Variants in SGCD observed in about 807,000 individuals in gnomAD.
SGCD encodes the protein sarcoglycan delta.
Under a neutral mutation model 36.6 loss-of-function variants are expected in SGCD, and 18 were observed. That is an observed-to-expected ratio of 0.49 (90% CI 0.34 to 0.73). The LOEUF is 0.73. Ranked by LOEUF, SGCD falls within the 30% of genes least tolerant of loss-of-function variation. The pLI, the probability that SGCD is intolerant of heterozygous loss-of-function variation, is 0.01. For missense variants in SGCD, 387 were observed against 346.7 expected (o/e 1.12, Z -0.92); for synonymous variants, 133 against 130.6 (o/e 1.02, Z -0.12).
chr5:156,117,649 G>C (rs1405942149), intron 1 of SGCD, among the ~76,000 whole-genome samples: 1 of 152,130 alleles, frequency 6.6e-6, no homozygotes, highest in Non-Finnish European at 1.5e-5. Flanking sequence ...CTTTGAGATA[G>C]ATATCACCAT....
intron 3 of SGCD, among the ~76,000 whole-genome samples, chr5:156,301,752 T>C (rs181803960): frequency 3.9e-5 from 6 of 152,128 alleles, no homozygotes; most frequent in African/African-American, 1.2e-4. Context: ...TGTTTCATGT[T>C]TGAAAGATGT....
intron 1 of SGCD, among the ~76,000 whole-genome samples, chr5:156,104,976 A>G (rs1209841167): frequency 1.3e-5 from 2 of 152,146 alleles, no homozygotes; most frequent in Non-Finnish European, 2.9e-5. Context: ...GAAGGGGAAC[A>G]TCACACACTG....
chr5:156,052,705 A>C (rs6897778), intron 1 of SGCD, among the ~76,000 whole-genome samples: 58,744 of 144,568 alleles, frequency 0.41, 20,947 homozygotes, highest in African/African-American at 0.85. Context: ...GTTCCTTGTT[A>C]AAGGAGTAAA....
chr5:156,233,711 T>G (rs2127652540), intron 3 of SGCD, among the ~76,000 whole-genome samples: 1 of 152,238 alleles, frequency 6.6e-6, no homozygotes, highest in Non-Finnish European at 1.5e-5. Context: ...TAAAAGTAAA[T>G]GCTCACGTTT....
intron 3 of SGCD, among the ~76,000 whole-genome samples, chr5:156,404,912 A>G (rs1307376853): frequency 6.6e-6 from 1 of 152,182 alleles, no homozygotes. Context: ...GAAACTTGTA[A>G]ATATGATGTG....
intron 6 of SGCD, among the ~76,000 whole-genome samples, chr5:156,605,232 G>A (rs1177144843): frequency 6.6e-6 from 1 of 151,940 alleles, no homozygotes; most frequent in Admixed American, 6.6e-5. Context: ...CTCGGTGTGT[G>A]ATGTTCCCCT....
intron 7 of SGCD, among the ~76,000 whole-genome samples, chr5:156,702,125 T>C (rs548504557): frequency 4.2e-4 from 64 of 152,330 alleles, no homozygotes; most frequent in Non-Finnish European, 8.1e-4. Flanking sequence ...TGAAATTGCC[T>C]CATCCTTCTC....
chr5:156,456,842 A>T (rs1754285680), intron 3 of SGCD, among the ~76,000 whole-genome samples: 1 of 152,202 alleles, frequency 6.6e-6, no homozygotes, highest in South Asian at 2.1e-4. Flanking sequence ...GGCAGGTTTC[A>T]TTCATTCATT....
At chr5:156,097,362 T>C (rs1194448580) in intron 1 of SGCD, among the ~76,000 whole-genome samples, 1 of 152,208 alleles carries the variant, frequency 6.6e-6, no homozygotes, top group African/African-American at 2.4e-5. Flanking sequence ...TAGCACCCTT[T>C]TGTTATTGGT....
At chr5:156,259,461 T>G (rs539794192) in intron 3 of SGCD, among the ~76,000 whole-genome samples, 34 of 152,242 alleles carry the variant, frequency 2.2e-4, no homozygotes, top group African/African-American at 7.9e-4. Flanking sequence ...TTTTTAAAAG[T>G]TAATCAAGTC....
intron 3 of SGCD, among the ~76,000 whole-genome samples, chr5:156,219,996 G>A (rs1232810328): frequency 6.6e-6 from 1 of 152,006 alleles, no homozygotes; most frequent in Admixed American, 6.6e-5. Flanking sequence ...TTAGGTCTTG[G>A]GCTATTTTAA....
intron 3 of SGCD, among the ~76,000 whole-genome samples, chr5:156,350,987 A>G (rs571704067): frequency 2.0e-5 from 3 of 152,272 alleles, no homozygotes; most frequent in Admixed American, 6.5e-5. Context: ...CCAAATTGCA[A>G]TAATGATCTG....
intron 3 of SGCD, among the ~76,000 whole-genome samples, chr5:156,384,841 G>C (rs558742238): frequency 6.6e-6 from 1 of 152,196 alleles, no homozygotes; most frequent in Non-Finnish European, 1.5e-5. Flanking sequence ...CAGGCCTTGG[G>C]TGTCTTAAAG....
chr5:156,414,546 A>G (rs571896620), intron 3 of SGCD, among the ~76,000 whole-genome samples: 58 of 152,352 alleles, frequency 3.8e-4, no homozygotes, highest in African/African-American at 1.3e-3. Context: ...TTTGCAGACC[A>G]TATGGTATCT....
At chr5:156,266,025 A>G (rs188861223) in intron 3 of SGCD, among the ~76,000 whole-genome samples, 21 of 152,228 alleles carry the variant, frequency 1.4e-4, no homozygotes, top group African/African-American at 4.8e-4. Flanking sequence ...TTTGACAATG[A>G]AAAATTGTAC....
intron 3 of SGCD, among the ~76,000 whole-genome samples, chr5:156,415,376 G>A (rs913551781): frequency 1.3e-5 from 2 of 152,106 alleles, no homozygotes; most frequent in African/African-American, 4.8e-5. Flanking sequence ...TGAAAGGAGA[G>A]GTTATCTAAA....
chr5:156,485,564 G>A (rs899349439), intron 3 of SGCD, among the ~76,000 whole-genome samples: 5 of 152,072 alleles, frequency 3.3e-5, no homozygotes, highest in African/African-American at 7.2e-5. Flanking sequence ...TGGGAAGGCC[G>A]AAGCTGGAGA....
chr5:155,826,224 T>G, the SGCD span, among the ~76,000 whole-genome samples: 15 of 152,224 alleles, frequency 9.9e-5, no homozygotes, highest in African/African-American at 3.4e-4. Context: ...GTGTTTCTCA[T>G]GTTGATTACA....
At chr5:156,641,417 G>C (rs897954380) in intron 6 of SGCD, among the ~76,000 whole-genome samples, 8 of 152,172 alleles carry the variant, frequency 5.3e-5, no homozygotes, top group Non-Finnish European at 8.8e-5. Flanking sequence ...GGAGTAACCA[G>C]AAAATTATCT....
Sources: gnomAD v4.1 joint callset for allele counts (sites outside exome capture counted in the v4.1 genomes callset) on GRCh38, gnomAD v4.1.1 for gene constraint, MANE v1.5 for transcripts, NCBI Gene and HGNC (gene_info 2026-07-23, HGNC 2026-07-21) for gene names.